The following FAM193B variants were observed in gnomAD, a reference collection of about 807,000 sequenced individuals.
The protein encoded by FAM193B is family with sequence similarity 193 member B.
In FAM193B, 27 loss-of-function variants were observed where a neutral mutation model predicts 70.7. That is an observed-to-expected ratio of 0.38 (90% CI 0.28 to 0.53). The LOEUF is 0.53. Ranked by LOEUF, FAM193B falls within the 20% of genes least tolerant of loss-of-function variation. FAM193B has a pLI of 0.81. For missense variants in FAM193B, 1,022 were observed against 1,072.5 expected (o/e 0.95, Z 0.66); for synonymous variants, 448 against 436.0 (o/e 1.03, Z -0.34).
rs181186337 is a variant in FAM193B, at chr5:177,549,341, C to T, written c.210+4908G>A. ...CAAAGTAGCTGGGACTATAGGTGCC[C>T]GCCACCATGCCCGGCTAATTTTTTT... On this transcript the variant is annotated intron_variant, in intron 1 of 8. Coordinates refer to ENST00000514747, the MANE Select transcript of FAM193B (RefSeq NM_001190946.3). Among the ~76,000 whole-genome samples, 504 of 151,984 alleles carry T rather than the reference C, an allele frequency of 3.3e-3. 1 individual carries two copies. Among genetic ancestry groups the T allele is most frequent in the Non-Finnish European group, 6.1e-3 (413 of 67,952 alleles).
Position 177,554,551 on chromosome 5 carries a change from CA to C in FAM193B, c.-94del. 1 of 773,852 alleles carries C rather than the reference CA, an allele frequency of 1.3e-6. No homozygotes were observed. The highest frequency in any genetic ancestry group is 1.6e-6 in the Non-Finnish European group (1 of 639,444). 47.9% of individuals were successfully genotyped at this position (773,852 alleles called of 1,614,324 possible). On this transcript the variant is annotated 5_prime_UTR_variant, in exon 1 of 9. Coordinates refer to ENST00000514747, the MANE Select transcript of FAM193B (RefSeq NM_001190946.3). ...CGCCGCTACCGCTCCCCTCACAGGA[CA>C]ACAGCCAATATGGCGGCGCCCGGTT...
intron 8 of FAM193B, among the ~76,000 whole-genome samples, chr5:177,521,762 G>A (rs1165753469): frequency 6.6e-6 from 1 of 152,162 alleles, no homozygotes; most frequent in East Asian, 1.9e-4. Flanking sequence ...TAGAACAGAG[G>A]CCTACAGGTG....
At chr5:177,536,975 G>GC (rs1474498797) in intron 3 of FAM193B, among the ~76,000 whole-genome samples, 1 of 152,178 alleles carries the variant, frequency 6.6e-6, no homozygotes, top group Admixed American at 6.5e-5. Flanking sequence ...TCCACACAAG[G>GC]CCCCATGCCT....
chr5:177,533,971 C>T (rs1219894884), intron 4 of FAM193B, among the ~76,000 whole-genome samples: 4 of 152,224 alleles, frequency 2.6e-5, no homozygotes, highest in South Asian at 2.1e-4. Flanking sequence ...ATGAGACATA[C>T]GCCTGAAACA....
chr5:177,520,260 G>A (rs1761509366), intron 8 of FAM193B, 79 bp from the exon 9 acceptor site: 2 of 152,274 alleles, frequency 1.3e-5, no homozygotes, highest in African/African-American at 2.4e-5. Flanking sequence ...GGGTACCCAT[G>A]GGTCTCTGGT....
chr5:177,542,865 T>C (rs539315387), intron 1 of FAM193B, among the ~76,000 whole-genome samples: 119 of 152,348 alleles, frequency 7.8e-4, no homozygotes, highest in Admixed American at 1.5e-3. Flanking sequence ...GTCTGATTCC[T>C]GTCTGGATCC....
At chr5:177,551,271 T>C (rs1036411412) in intron 1 of FAM193B, among the ~76,000 whole-genome samples, 1 of 148 alleles carries the variant, frequency 6.8e-3, no homozygotes, top group Non-Finnish European at 0.036. Flanking sequence ...TGTTCTTTAT[T>C]TTTTTTTTTG....
chr5:177,535,099 G>A (rs1764019380), intron 4 of FAM193B, among the ~76,000 whole-genome samples: 1 of 152,120 alleles, frequency 6.6e-6, no homozygotes, highest in South Asian at 2.1e-4. Flanking sequence ...TTCATTCTGA[G>A]AACTTGATTC....
chr5:177,532,193 C>T lies in FAM193B; in HGVS notation c.1275+250G>A. ...TAGCTTTCTCTCTGCCATTTCCTTT[C>T]CTTTTGCCTAAGGAAAAAAAGTCAA... On this transcript the variant is annotated intron_variant, in intron 5 of 8. Coordinates refer to ENST00000514747, the MANE Select transcript of FAM193B (RefSeq NM_001190946.3). The surrounding 1 kb of genome is among the most constrained non-coding windows in gnomAD (Gnocchi z 4.9). 1 of 1,492,682 alleles carries T rather than the reference C, an allele frequency of 6.7e-7. No individual in the cohort carries two copies. The highest frequency in any genetic ancestry group is 8.9e-7 in the Non-Finnish European group (1 of 1,121,718). 92.5% of individuals were successfully genotyped at this position (1,492,682 alleles called of 1,614,324 possible).
Position 177,537,960 on chromosome 5 carries a change from C to G in FAM193B, c.601G>C (p.Ala201Pro), listed in dbSNP as rs1364030761. 2 of 1,568,776 alleles carry G rather than the reference C, an allele frequency of 1.3e-6. No homozygotes were observed. Among genetic ancestry groups the G allele is most frequent in the African/African-American group, 2.7e-5 (2 of 73,742 alleles). The change falls in exon 3 of 9, where the codon GCA becomes CCA. Residue 201 changes from alanine to proline, a missense_variant. Physicochemically the swap from Ala to Pro is conservative, Grantham distance 27. Transcript: ENST00000514747. Reference protein sequence around the residue: ...GDWDPSSFLSAHKLSGLWNSP... With the variant: ...GDWDPSSFLSPHKLSGLWNSP... The stretch of plus-strand genomic sequence containing the variant: ...TTCCAGAGGCCCGAGAGCTTATGTG[C>G]CGACAGGAACGAGCTAGGATCCCAG...
In FAM193B at chr5:177,550,865, T is replaced by C. The variant is rs145324523; in HGVS notation, c.210+3384A>G. 6.5e-3 allele frequency among the ~76,000 whole-genome samples: 984 copies of C among 152,264 alleles called. 14 individuals are homozygous for C. The highest frequency in any genetic ancestry group is 0.023 in the African/African-American group (944 of 41,560). ...TTTAAAAGGAGACGGTGTTTCCCTC[T>C]CTCCCCCAGGCTGGGGTGCAGTGGC... On this transcript the variant is annotated intron_variant, in intron 1 of 8. Transcript: ENST00000514747.
intron 1 of FAM193B, among the ~76,000 whole-genome samples, chr5:177,541,692 T>C (rs952963009): frequency 1.3e-5 from 2 of 152,204 alleles, no homozygotes; most frequent in Admixed American, 6.5e-5. Context: ...GTACTAGGAT[T>C]ACAGGCGTGA....
At chr5:177,533,330 A>G (rs1763766596) in intron 4 of FAM193B, among the ~76,000 whole-genome samples, 1 of 145,162 alleles carries the variant, frequency 6.9e-6, no homozygotes, top group African/African-American at 2.6e-5. Flanking sequence ...TTTGAGACGG[A>G]GTCTTGCTGT....
chr5:177,544,367 T>A (rs1581923740), intron 1 of FAM193B, among the ~76,000 whole-genome samples: 1 of 152,160 alleles, frequency 6.6e-6, no homozygotes, highest in South Asian at 2.1e-4. Flanking sequence ...TTTTCCTGGA[T>A]AAAAGAGAGA....
intron 5 of FAM193B, among the ~76,000 whole-genome samples, chr5:177,529,169 A>G (rs1167967354): frequency 6.6e-6 from 1 of 151,756 alleles, no homozygotes; most frequent in Non-Finnish European, 1.5e-5. Context: ...GTTTTTAAGA[A>G]GCAGGGTGTC....
In FAM193B at chr5:177,554,250, T is replaced by C; in HGVS notation, c.209A>G (p.Gln70Arg). ...DDEPNLVPGP[Q>R]VPPASSQPVQ... is the part of the protein sequence containing the mutation. ...CGAAGTCTCCCCGCTCGCTCCTACC[T>C]GCGGGCCGGGCACCAGGTTGGGTTC... is the stretch of plus-strand genomic sequence containing the variant. The change falls in exon 1 of 9, where the codon CAG (glutamine) becomes CGG (arginine). Residue 70 changes from glutamine to arginine, a missense_variant and splice_region_variant. By Grantham distance (43) the Gln-to-Arg change is conservative. Coordinates refer to ENST00000514747, the MANE Select transcript of FAM193B (RefSeq NM_001190946.3). 2 of 1,477,650 alleles carry C rather than the reference T, an allele frequency of 1.4e-6. No homozygotes were observed. Among genetic ancestry groups the C allele is most frequent in the Non-Finnish European group, 1.8e-6 (2 of 1,117,558 alleles). The allele number at this position is 1,477,650 out of a possible 1,614,324, so 91.5% of individuals were successfully genotyped here.
rs1395855984 is a variant in FAM193B, at chr5:177,534,530, T to C, written c.1076+1828A>G. Among the ~76,000 whole-genome samples the C allele has an allele frequency of 1.3e-5, 2 of 152,030 alleles. 1 individual carries two copies. Among genetic ancestry groups the C allele is most frequent in the Admixed American group, 1.3e-4 (2 of 15,264 alleles). Reference sequence around the variant, plus strand: ...TGCTGGCCAGGCTGGTCTGGAATTCTTGACCTCGTGATCTGCTCACCTCAG... The same window carrying C: ...TGCTGGCCAGGCTGGTCTGGAATTCCTGACCTCGTGATCTGCTCACCTCAG... On this transcript the variant is annotated intron_variant, in intron 4 of 8. Transcript: ENST00000514747.
At chr5:177,539,760 G>A (rs1198570955) in intron 1 of FAM193B, among the ~76,000 whole-genome samples, 1 of 152,186 alleles carries the variant, frequency 6.6e-6, no homozygotes, top group Non-Finnish European at 1.5e-5. Context: ...TAGTGAGTAT[G>A]GTGAAAACAG....
intron 1 of FAM193B, among the ~76,000 whole-genome samples, chr5:177,549,103 A>T (rs1765835453): frequency 6.6e-6 from 1 of 151,794 alleles, no homozygotes; most frequent in Non-Finnish European, 1.5e-5. Context: ...CCAAATATCT[A>T]CAATACTCAG....
Sources: gnomAD v4.1 joint callset for allele counts (sites outside exome capture counted in the v4.1 genomes callset) on GRCh38, gnomAD v4.1.1 for gene constraint, Gnocchi (gnomAD v3.1) non-coding constraint, MANE v1.5 for transcripts, NCBI Gene and HGNC (gene_info 2026-07-23, HGNC 2026-07-21) for gene names.